CDH8: variants seen among roughly 807,000 people sequenced by gnomAD.
CDH8 encodes cadherin-8.
In CDH8, 17 loss-of-function variants were observed where a neutral mutation model predicts 68.1. The ratio of observed to expected loss-of-function variants is 0.25; its 90% CI spans 0.17 to 0.37. CDH8 has a LOEUF of 0.37. Among genes scored for constraint, CDH8 ranks in the 10% least tolerant of loss-of-function variants. The pLI is 1.00. For synonymous variants in CDH8, 372 were observed against 365.1 expected (o/e 1.02, Z -0.21); for missense variants, 763 against 999.3 (o/e 0.76, Z 3.19).
intron 2 of CDH8, among the ~76,000 whole-genome samples, chr16:61,912,974 T>C (rs1324531039): frequency 6.6e-6 from 1 of 152,128 alleles, no homozygotes; most frequent in Non-Finnish European, 1.5e-5. Context: ...TAATATTCAA[T>C]TTTTTAAAAA....
At chr16:61,682,230 T>C (rs1006295280) in intron 10 of CDH8, among the ~76,000 whole-genome samples, 2 of 151,964 alleles carry the variant, frequency 1.3e-5, no homozygotes, top group African/African-American at 2.4e-5. Flanking sequence ...AGGCATTTAA[T>C]AGCTCATTAA....
At chr16:61,999,553 A>G (rs1965858556) in intron 2 of CDH8, among the ~76,000 whole-genome samples, 1 of 152,166 alleles carries the variant, frequency 6.6e-6, no homozygotes, top group Non-Finnish European at 1.5e-5. Flanking sequence ...AACCTCTTGC[A>G]GTGTATCAGT....
intron 2 of CDH8, among the ~76,000 whole-genome samples, chr16:61,981,231 T>C (rs1965523571): frequency 6.6e-6 from 1 of 152,236 alleles, no homozygotes; most frequent in Non-Finnish European, 1.5e-5. Flanking sequence ...GTTCTAATAA[T>C]GAATGTATAC....
At chr16:61,882,583 G>A (rs186664914) in intron 3 of CDH8, among the ~76,000 whole-genome samples, 2 of 152,140 alleles carry the variant, frequency 1.3e-5, no homozygotes, top group Non-Finnish European at 2.9e-5. Flanking sequence ...AACATGGATG[G>A]AACTGGAGGC....
intron 2 of CDH8, among the ~76,000 whole-genome samples, chr16:61,935,611 T>C (rs1964615473): frequency 6.6e-6 from 1 of 152,160 alleles, no homozygotes; most frequent in African/African-American, 2.4e-5. Flanking sequence ...ATTTTGTTTC[T>C]AAGTCTATTT....
intron 2 of CDH8, among the ~76,000 whole-genome samples, chr16:61,961,874 G>A (rs1965160732): frequency 6.6e-6 from 1 of 152,282 alleles, no homozygotes; most frequent in African/African-American, 2.4e-5. Flanking sequence ...TTAGGGGTCC[G>A]AAGCCCCATT....
intron 8 of CDH8, among the ~76,000 whole-genome samples, chr16:61,778,105 C>G (rs1033814295): frequency 2.0e-5 from 3 of 152,062 alleles, no homozygotes; most frequent in African/African-American, 7.2e-5. Context: ...TTAACCACCT[C>G]TGTACCTGAA....
intron 2 of CDH8, among the ~76,000 whole-genome samples, chr16:62,001,053 A>G (rs1965885364): frequency 6.6e-6 from 1 of 152,200 alleles, no homozygotes; most frequent in Non-Finnish European, 1.5e-5. Flanking sequence ...ACTGCTGTTC[A>G]TTGAGGCTAG....
At chr16:61,801,643 G>T (rs1199571910) in intron 7 of CDH8, among the ~76,000 whole-genome samples, 1 of 152,198 alleles carries the variant, frequency 6.6e-6, no homozygotes, top group African/African-American at 2.4e-5. Flanking sequence ...GCGAGGCATT[G>T]CCTCACCTGG....
In CDH8 at chr16:61,959,564, A is replaced by ATG. The variant is rs1367444545; in HGVS notation, c.253-58092_253-58091insCA. Among the ~76,000 whole-genome samples, 9 of 149,568 alleles carry ATG rather than the reference A, an allele frequency of 6.0e-5. No individual in the cohort carries two copies. In the South Asian group the frequency reaches 6.4e-4, roughly 11 times the overall value. The stretch of plus-strand genomic sequence containing the variant: ...TCTCTGTGTGTGTGTGTGTGTATAT[A>ATG]TATATGTATGTATATAGAGAGATGT... On this transcript the variant is annotated intron_variant, in intron 2 of 11. Coordinates refer to ENST00000577390, the MANE Select transcript of CDH8 (RefSeq NM_001796.5).
chr16:62,032,816 C>T (rs188465018), intron 1 of CDH8, among the ~76,000 whole-genome samples: 16 of 152,260 alleles, frequency 1.1e-4, no homozygotes, highest in East Asian at 3.9e-4. Flanking sequence ...TTGATAAAGC[C>T]GTGAGGTGTG....
chr16:61,951,808 C>T (rs1044095048), intron 2 of CDH8, among the ~76,000 whole-genome samples: 2 of 152,116 alleles, frequency 1.3e-5, no homozygotes, highest in Admixed American at 6.6e-5. Context: ...GTTATGATTT[C>T]CCCATGAGCC....
chr16:61,929,923 T>C (rs968911171), intron 2 of CDH8, among the ~76,000 whole-genome samples: 1 of 151,930 alleles, frequency 6.6e-6, no homozygotes, highest in African/African-American at 2.4e-5. Flanking sequence ...ATTGATATAT[T>C]CAAAACACAT....
chr16:61,795,624 A>G lies in CDH8; in HGVS notation c.1278-6142T>C, dbSNP rs577056169. On this transcript the variant is annotated intron_variant, in intron 7 of 11. Coordinates refer to ENST00000577390, the MANE Select transcript of CDH8 (RefSeq NM_001796.5). ...TCCTCAATCTGTAAGAGTTCTCTTA[A>G]AGCCCAAATTGACTGTGGAGATGAA... is the stretch of plus-strand genomic sequence containing the variant. 4.9e-4 allele frequency among the ~76,000 whole-genome samples: 74 copies of G among 152,254 alleles called. 1 individual carries two copies. Among genetic ancestry groups the G allele is most frequent in the South Asian group, 2.1e-3 (10 of 4,828 alleles).
rs183709860 is a variant in CDH8, at chr16:61,724,940, C to A, written c.1536+2154G>T. 6.0e-5 allele frequency among the ~76,000 whole-genome samples: 9 copies of A among 150,822 alleles called. No individual in the cohort carries two copies. The East Asian group carries it at 1.8e-3, about 29-fold the overall frequency. ...CTAGAAGTGATGTAAGGAATAAAACCTGAATTCTGACTAACATAAAGGATT... is the reference window on the plus strand; with the variant it reads ...CTAGAAGTGATGTAAGGAATAAAACATGAATTCTGACTAACATAAAGGATT... On this transcript the variant is annotated intron_variant, in intron 9 of 11. Coordinates refer to ENST00000577390, the MANE Select transcript of CDH8 (RefSeq NM_001796.5).
At chr16:61,764,893 G>A (rs1960550067) in intron 8 of CDH8, among the ~76,000 whole-genome samples, 1 of 152,022 alleles carries the variant, frequency 6.6e-6, no homozygotes, top group Non-Finnish European at 1.5e-5. Flanking sequence ...GTTTGGTCAA[G>A]CTTCCTACTG....
intron 7 of CDH8, among the ~76,000 whole-genome samples, chr16:61,798,621 CTG>C (rs1336764325): frequency 2.6e-5 from 4 of 152,114 alleles, no homozygotes; most frequent in Non-Finnish European, 5.9e-5. Flanking sequence ...ATCTTGGCAG[CTG>C]TGTGGAGATC....
chr16:61,672,383 T>A (rs1963815180), intron 10 of CDH8, among the ~76,000 whole-genome samples: 1 of 152,086 alleles, frequency 6.6e-6, no homozygotes, highest in African/African-American at 2.4e-5. Flanking sequence ...ATCATTTTTA[T>A]TTGCATACCA....
At chr16:61,969,853 G>A (rs562461640) in intron 2 of CDH8, among the ~76,000 whole-genome samples, 1 of 152,286 alleles carries the variant, frequency 6.6e-6, no homozygotes, top group Admixed American at 6.5e-5. Context: ...CCAGAGATAG[G>A]TGTGTGACTC....
Sources: allele counts gnomAD v4.1 joint callset (sites outside exome capture counted in the v4.1 genomes callset), GRCh38; gene constraint gnomAD v4.1.1; transcripts MANE v1.5; gene names NCBI Gene and HGNC (gene_info 2026-07-23, HGNC 2026-07-21).